Variants in PIAS1 observed in about 807,000 individuals in gnomAD.
PIAS1 encodes E3 SUMO-protein ligase PIAS1.
A neutral mutation model predicts 71.3 loss-of-function variants in PIAS1; 6 were observed. The observed-to-expected ratio is 0.08, with a 90% confidence interval of 0.05 to 0.17. The LOEUF (loss-of-function observed/expected upper bound fraction) is 0.17. PIAS1 is among the 10% of genes least tolerant of loss of function. The pLI is 1.00. For missense variants in PIAS1, 555 were observed against 793.6 expected (o/e 0.70, Z 3.61); for synonymous variants, 303 against 292.9 (o/e 1.03, Z -0.35).
intron 1 of PIAS1, among the ~76,000 whole-genome samples, chr15:68,075,888 T>C (rs2092158365): frequency 6.6e-6 from 1 of 151,834 alleles, no homozygotes; most frequent in Non-Finnish European, 1.5e-5. Context: ...GTTCAAGTGC[T>C]ATTCCTGCCT....
intron 4 of PIAS1, among the ~76,000 whole-genome samples, chr15:68,144,387 G>C (rs1018935878): frequency 2.0e-5 from 3 of 151,960 alleles, no homozygotes; most frequent in East Asian, 3.8e-4. Context: ...GTGCCTCCCT[G>C]CTCCACTCCC....
At chr15:68,168,388 T>A (rs1165116644) in intron 8 of PIAS1, among the ~76,000 whole-genome samples, 6 of 152,282 alleles carry the variant, frequency 3.9e-5, no homozygotes, top group South Asian at 4.1e-4. Context: ...TAGGGCTTTT[T>A]AAAAATATAA....
chr15:68,066,319 G>T (rs2140959582), intron 1 of PIAS1, among the ~76,000 whole-genome samples: 1 of 152,018 alleles, frequency 6.6e-6, no homozygotes, highest in Admixed American at 6.6e-5. Context: ...ATGTTGGCCA[G>T]GCTGGTCTTG....
At chr15:68,164,896 C>T in intron 8 of PIAS1, 92 bp downstream of exon 8, 2 of 695,056 alleles carry the variant, frequency 2.9e-6, no homozygotes, top group Non-Finnish European at 5.0e-6. Context: ...ATTCTGTTTG[C>T]TTCTAAAATA....
chr15:68,120,894 G>A (rs761420433), intron 2 of PIAS1, among the ~76,000 whole-genome samples: 2 of 151,926 alleles, frequency 1.3e-5, no homozygotes, highest in Non-Finnish European at 2.9e-5. Context: ...ACTCGGCCTC[G>A]CAAAGTGCTG....
chr15:68,111,283 A>G (rs2092521086), intron 2 of PIAS1, among the ~76,000 whole-genome samples: 1 of 152,204 alleles, frequency 6.6e-6, no homozygotes, highest in Admixed American at 6.5e-5. Context: ...GGTTGGCAAG[A>G]TTTAACTAGA....
At chr15:68,112,200 T>G (rs569349808) in intron 2 of PIAS1, among the ~76,000 whole-genome samples, 1 of 152,302 alleles carries the variant, frequency 6.6e-6, no homozygotes, top group African/African-American at 2.4e-5. Context: ...GATTCTACAC[T>G]TGCACATTAG....
At chr15:68,133,078 CGTT>C (rs1437234081) in intron 2 of PIAS1, among the ~76,000 whole-genome samples, 1 of 150,334 alleles carries the variant, frequency 6.7e-6, no homozygotes, top group African/African-American at 2.4e-5. Flanking sequence ...TTAATATTGT[CGTT>C]GTCACTTTAA....
At chr15:68,104,669 A>C (rs1200154238) in intron 2 of PIAS1, among the ~76,000 whole-genome samples, 4 of 152,196 alleles carry the variant, frequency 2.6e-5, no homozygotes, top group African/African-American at 9.6e-5. Context: ...TATGTATTTC[A>C]AAATAGCCAG....
chr15:68,066,958 G>A (rs1446724606), intron 1 of PIAS1, among the ~76,000 whole-genome samples: 1 of 152,044 alleles, frequency 6.6e-6, no homozygotes, highest in Admixed American at 6.6e-5. Flanking sequence ...ATTTTTTCCC[G>A]AGAGGAATTC....
At chr15:68,165,307 G>A (rs575744662) in intron 8 of PIAS1, among the ~76,000 whole-genome samples, 2 of 152,180 alleles carry the variant, frequency 1.3e-5, no homozygotes, top group South Asian at 4.2e-4. Context: ...TTTTAGTAGA[G>A]ATGGGGTTTC....
intron 2 of PIAS1, among the ~76,000 whole-genome samples, chr15:68,129,614 A>G (rs957461237): frequency 1.3e-5 from 2 of 152,148 alleles, no homozygotes; most frequent in African/African-American, 4.8e-5. Flanking sequence ...TATAAAATTT[A>G]AGAAAAATAG....
chr15:68,138,383 T>C (rs1186196428), intron 2 of PIAS1, among the ~76,000 whole-genome samples: 1 of 152,082 alleles, frequency 6.6e-6, no homozygotes, highest in Non-Finnish European at 1.5e-5. Context: ...ATCCTCCCAT[T>C]GGGATAGGCC....
intron 1 of PIAS1, among the ~76,000 whole-genome samples, chr15:68,077,281 G>A (rs2092177158): frequency 6.6e-6 from 1 of 152,084 alleles, no homozygotes; most frequent in Non-Finnish European, 1.5e-5. Context: ...ATATTAAGAG[G>A]GATAGTAATA....
chr15:68,146,521 G>A, intron 5 of PIAS1, 45 bp from the exon 6 acceptor site: 1 of 1,491,568 alleles, frequency 6.7e-7, no homozygotes, highest in Non-Finnish European at 9.3e-7. Context: ...AAGTCAAAAT[G>A]ATTGTGGAAA....
chr15:68,064,975 G>A (rs530573906), intron 1 of PIAS1, among the ~76,000 whole-genome samples: 2 of 152,004 alleles, frequency 1.3e-5, no homozygotes, highest in African/African-American at 4.8e-5. Flanking sequence ...GAAGTCGGGG[G>A]CTCCAGTGAT....
At chr15:68,092,465 A>C (rs1048894886) in intron 2 of PIAS1, among the ~76,000 whole-genome samples, 5 of 152,018 alleles carry the variant, frequency 3.3e-5, no homozygotes, top group African/African-American at 1.2e-4. Context: ...GAGCCACCGC[A>C]CCCAGCTGAC....
At chr15:68,057,371 TTAA>T (rs1230623803) in intron 1 of PIAS1, 2 of 340,472 alleles carry the variant, frequency 5.9e-6, no homozygotes, top group African/African-American at 4.5e-5. Flanking sequence ...ATCTTGGTAG[TTAA>T]TAAGCTGACA....
In PIAS1 at chr15:68,160,323, C is replaced by T. The variant is rs2092916800; in HGVS notation, c.935-4408C>T. ...GAGAGTAGAGATTCATTTTTTCCCC[C>T]ACATAGATATCGAAATATTCCAACA... On this transcript the variant is annotated intron_variant, in intron 7 of 13. Transcript: ENST00000249636. 2.6e-5 allele frequency among the ~76,000 whole-genome samples: 4 copies of T among 152,160 alleles called. No individual in the cohort carries two copies. The South Asian group carries it at 8.3e-4, about 32-fold the overall frequency.
Sources: gnomAD v4.1 joint callset for allele counts (sites outside exome capture counted in the v4.1 genomes callset) on GRCh38, gnomAD v4.1.1 for gene constraint, MANE v1.5 for transcripts, NCBI Gene and HGNC (gene_info 2026-07-23, HGNC 2026-07-21) for gene names.